RBM34: variants seen among roughly 807,000 people sequenced by gnomAD.
The protein encoded by RBM34 is RNA-binding protein 34.
A neutral mutation model predicts 44.6 loss-of-function variants in RBM34; 39 were observed. The observed-to-expected ratio is 0.87, with a 90% CI of 0.68 to 1.14. RBM34 has a LOEUF of 1.14. Ranked by LOEUF, RBM34 falls within the 50% of genes most tolerant of loss-of-function variation. RBM34 has a pLI of 0.00. For synonymous variants in RBM34, 194 were observed against 184.0 expected (o/e 1.05, Z -0.44); for missense variants, 572 against 517.9 (o/e 1.10, Z -1.01).
chr1:235,154,837 C>G, intron 4 of RBM34, 44 bp downstream of exon 4: 1 of 1,482,710 alleles, frequency 6.7e-7, no homozygotes, highest in Non-Finnish European at 9.4e-7. Context: ...ACAGGAAGAA[C>G]AAAGTTATTA....
intron 10 of RBM34, among the ~76,000 whole-genome samples, chr1:235,134,945 T>A (rs372051968): frequency 2.6e-5 from 4 of 151,928 alleles, no homozygotes; most frequent in Non-Finnish European, 5.9e-5. Context: ...GGTTTCTCCA[T>A]GTTGGTCAGG....
intron 3 of RBM34, among the ~76,000 whole-genome samples, chr1:235,158,650 C>G (rs908364465): frequency 6.6e-6 from 1 of 152,054 alleles, no homozygotes; most frequent in African/African-American, 2.4e-5. Flanking sequence ...CAGTTCCCAA[C>G]TGTCAGTGAT....
intron 7 of RBM34, 32 bp downstream of exon 7, chr1:235,138,058 AT>A: frequency 6.4e-7 from 1 of 1,574,646 alleles, no homozygotes; most frequent in Non-Finnish European, 8.7e-7. Context: ...TTATAGGACA[AT>A]TATTCTGTTC....
At chr1:235,160,292 G>A (rs1301340825) in intron 3 of RBM34, 1 of 697,520 alleles carries the variant, frequency 1.4e-6, no homozygotes, top group Non-Finnish European at 2.6e-6. Flanking sequence ...ATATGAGTGG[G>A]GTAAAAATAC....
chr1:235,160,753 A>G, intron 2 of RBM34, 106 bp from the exon 3 acceptor site: 2 of 1,500,050 alleles, frequency 1.3e-6, no homozygotes, highest in Non-Finnish European at 1.8e-6. Flanking sequence ...TCTCACTGGT[A>G]TGTAAGAGTC....
Position 235,154,965 on chromosome 1 carries a change from T to A in RBM34, c.513A>T (p.Lys171Asn), listed in dbSNP as rs752823459. ...TEDTVVSQRK[K>N]IQINQEEERL... is the part of the protein sequence containing the mutation. ...TCTCTTCTTCTTGGTTGATTTGAAT[T>A]TTCTTTCTTTGACTGACAACTGTGT... Residue 171 changes from lysine to asparagine, a missense_variant, in exon 4 of 11, where the codon AAA becomes AAT. Coordinates refer to ENST00000408888, the MANE Select transcript of RBM34 (RefSeq NM_015014.4). 6.2e-7 allele frequency: 1 copy of A among 1,614,138 alleles called. No individual in the cohort carries two copies. The highest frequency in any genetic ancestry group is 1.7e-5 in the Admixed American group (1 of 60,024).
At chr1:235,137,652 A>G (rs1661481993) in intron 8 of RBM34, among the ~76,000 whole-genome samples, 2 of 151,832 alleles carry the variant, frequency 1.3e-5, no homozygotes, top group African/African-American at 4.8e-5. Flanking sequence ...TTAGGATTAC[A>G]GGCATGAGCC....
At chr1:235,141,626 A>G (rs2102836232) in intron 6 of RBM34, among the ~76,000 whole-genome samples, 1 of 152,170 alleles carries the variant, frequency 6.6e-6, no homozygotes, top group African/African-American at 2.4e-5. Context: ...TTTGCAATAA[A>G]TCTTGCTACT....
chr1:235,159,833 C>CA (rs1338993682), intron 3 of RBM34, among the ~76,000 whole-genome samples: 2 of 145,102 alleles, frequency 1.4e-5, no homozygotes, highest in Non-Finnish European at 3.0e-5. Flanking sequence ...CAGGCCACTG[C>CA]ACTCCAGTCT....
At chr1:235,153,811 AAC>A (rs1437904812) in intron 4 of RBM34, among the ~76,000 whole-genome samples, 3 of 152,340 alleles carry the variant, frequency 2.0e-5, no homozygotes, top group African/African-American at 7.2e-5. Context: ...TAAGGATTGC[AAC>A]AGTTACTATC....
chr1:235,155,172 G>C, intron 3 of RBM34, 60 bp from the exon 4 acceptor site: 1 of 1,345,398 alleles, frequency 7.4e-7, no homozygotes, highest in Non-Finnish European at 1.0e-6. Flanking sequence ...TCTAGTATTT[G>C]ACAAAGCACA....
intron 3 of RBM34, 136 bp downstream of exon 3, chr1:235,160,375 A>G (rs376745443): frequency 3.9e-5 from 45 of 1,161,848 alleles, no homozygotes; most frequent in Admixed American, 8.1e-5. Context: ...CAACTTTTCT[A>G]TATGTACTGG....
intron 3 of RBM34, among the ~76,000 whole-genome samples, chr1:235,157,576 T>C (rs1662504568): frequency 6.6e-6 from 1 of 151,826 alleles, no homozygotes; most frequent in Admixed American, 6.6e-5. Flanking sequence ...AGGAGAGAGA[T>C]CACGGTGGGC....
In RBM34 at chr1:235,152,660, C is replaced by T. The variant is rs368718255; in HGVS notation, c.657+46G>A. The T allele has an allele frequency of 2.1e-4, 336 of 1,573,654 alleles. 1 individual carries two copies. In the African/African-American group the frequency reaches 4.1e-3, roughly 19 times the overall value. On this transcript the variant is annotated intron_variant, in intron 5 of 10. Coordinates refer to ENST00000408888, the MANE Select transcript of RBM34 (RefSeq NM_015014.4). ...GCAATAAGTTCATCTGATTTAAATG[C>T]AATAAATTTTAATATTATGTAATTT...
intron 3 of RBM34, among the ~76,000 whole-genome samples, chr1:235,157,550 T>C (rs1010221319): frequency 6.6e-6 from 1 of 151,068 alleles, no homozygotes; most frequent in Admixed American, 6.6e-5. Context: ...CAAACAAACA[T>C]ACATGTCTGG....
In RBM34 at chr1:235,148,395, TA is replaced by T; in HGVS notation, c.701+8del. 6.3e-7 allele frequency: 1 copy of T among 1,589,110 alleles called. No homozygotes were observed. The highest frequency in any genetic ancestry group is 8.6e-7 in the Non-Finnish European group (1 of 1,167,508). ...TAAGGTGACTCCCTTTCTCTAATTA[TA>T]AACTTACTTTATTGCTGCCAACTTT... is the stretch of plus-strand genomic sequence containing the variant. On this transcript the variant is annotated splice_region_variant and intron_variant, in intron 6 of 10. Coordinates refer to ENST00000408888, the MANE Select transcript of RBM34 (RefSeq NM_015014.4).
At chr1:235,147,915 G>A (rs1238649046) in intron 6 of RBM34, among the ~76,000 whole-genome samples, 2 of 152,068 alleles carry the variant, frequency 1.3e-5, no homozygotes, top group African/African-American at 4.8e-5. Context: ...AGACTTGTAG[G>A]TTTCATTCTT....
In RBM34 at chr1:235,142,928, A is replaced by C. The variant is rs63578063; in HGVS notation, c.702-4754T>G. Among the ~76,000 whole-genome samples, 7 of 92,884 alleles carry C rather than the reference A, an allele frequency of 7.5e-5. 1 individual carries two copies. The South Asian group carries it at 5.6e-3, about 74-fold the overall frequency. The allele number at this position is 92,884 out of a possible 152,430, so 60.9% of individuals were successfully genotyped here. A position where few individuals can be genotyped will look rare whatever the true frequency, so the allele number is the denominator to read the frequency against. Reference sequence around the variant, plus strand: ...GGTGACAGAGCAAGGATCCATCTCAAAAAAAAAAAAAAAAAAAAAGACACC... The same window carrying C: ...GGTGACAGAGCAAGGATCCATCTCACAAAAAAAAAAAAAAAAAAAGACACC... On this transcript the variant is annotated intron_variant, in intron 6 of 10. Transcript: ENST00000408888.
At chr1:235,140,045 C>T (rs1322952850) in intron 6 of RBM34, among the ~76,000 whole-genome samples, 1 of 152,234 alleles carries the variant, frequency 6.6e-6, no homozygotes, top group Admixed American at 6.5e-5. Context: ...GTGCTGCAGG[C>T]CTGGAGGACG....
Sources: gnomAD v4.1 joint callset for allele counts (sites outside exome capture counted in the v4.1 genomes callset) on GRCh38, gnomAD v4.1.1 for gene constraint, MANE v1.5 for transcripts, NCBI Gene and HGNC (gene_info 2026-07-23, HGNC 2026-07-21) for gene names.